Variants in PCDH11X observed in about 807,000 individuals in gnomAD.
The protein encoded by PCDH11X is protocadherin-11 X-linked.
In PCDH11X, 18 loss-of-function variants were observed where a neutral mutation model predicts 53.3. The ratio of observed to expected loss-of-function variants is 0.34; its 90% CI spans 0.23 to 0.50. The LOEUF (loss-of-function observed/expected upper bound fraction) is 0.50, where lower values mean the gene tolerates loss of function less well. PCDH11X is among the 20% of genes least tolerant of loss of function. PCDH11X has a pLI of 0.98. For missense variants in PCDH11X, 570 were observed against 1,032.4 expected (o/e 0.55, Z 6.14); for synonymous variants, 279 against 393.3 (o/e 0.71, Z 3.44).
intron 10 of PCDH11X, among the ~76,000 whole-genome samples, chrX:92,572,783 C>G (rs1458699345): frequency 1.0e-5 from 1 of 96,143 alleles, no homozygotes; most frequent in Non-Finnish European, 2.1e-5. Flanking sequence ...ACTTGGGAGG[C>G]TGAGGCAAGA....
chrX:92,121,407 CG>C, intron 6 of PCDH11X, among the ~76,000 whole-genome samples: 1 of 111,949 alleles, frequency 8.9e-6, no homozygotes, highest in East Asian at 2.8e-4. Flanking sequence ...CCACCCACCT[CG>C]GCCTCCCAAA....
chrX:91,911,200 A>G (rs1941357962), intron 6 of PCDH11X, among the ~76,000 whole-genome samples: 1 of 110,521 alleles, frequency 9.0e-6, no homozygotes, highest in African/African-American at 3.3e-5. Context: ...TTGCTGCTAC[A>G]TATGTCTAGC....
chrX:92,321,184 G>GTT lies in PCDH11X; in HGVS notation c.3144+58049_3144+58050dup, dbSNP rs199672875. 7.2e-4 allele frequency among the ~76,000 whole-genome samples: 61 copies of GTT among 84,857 alleles called. 6 individuals are homozygous for GTT. Among genetic ancestry groups the GTT allele is most frequent in the East Asian group, 5.6e-3 (11 of 1,947 alleles). The allele number at this position is 84,857 out of a possible 115,157, so 73.7% of individuals were successfully genotyped here. On this transcript the variant is annotated intron_variant, in intron 8 of 10. Coordinates refer to ENST00000682573, the MANE Select transcript of PCDH11X (RefSeq NM_032968.5). The stretch of plus-strand genomic sequence containing the variant: ...TCAGTATCTGTGAGCTGAACTGTAA[G>GTT]TTTTTTTTTGTTTTTTTTTTTTTTT...
intron 7 of PCDH11X, among the ~76,000 whole-genome samples, chrX:92,211,656 A>G (rs963367905): frequency 8.9e-6 from 1 of 112,047 alleles, no homozygotes; most frequent in African/African-American, 3.2e-5. Context: ...CATTAATCTT[A>G]TATTTTACCA....
chrX:92,074,061 T>C (rs1277493955), intron 6 of PCDH11X, among the ~76,000 whole-genome samples: 2 of 111,766 alleles, frequency 1.8e-5, no homozygotes, highest in African/African-American at 6.5e-5. Context: ...TTTGTTTCCA[T>C]TAGATATGTT....
Position 92,109,701 on chromosome X carries a change from G to A in PCDH11X, c.3034-91674G>A, listed in dbSNP as rs188281435. Among the ~76,000 whole-genome samples the A allele has an allele frequency of 8.3e-3, 936 of 112,225 alleles. 5 individuals are homozygous for A. The highest frequency in any genetic ancestry group is 0.029 in the African/African-American group (891 of 30,890). On this transcript the variant is annotated intron_variant, in intron 6 of 10. Coordinates refer to ENST00000682573, the MANE Select transcript of PCDH11X (RefSeq NM_032968.5). ...TAATTCCTACTCTTGTAGCTAGTTT[G>A]TTAGTCCTACAAAGGCAGACTGGGC...
chrX:92,325,970 C>T (rs1284870032), intron 8 of PCDH11X, among the ~76,000 whole-genome samples: 1 of 112,302 alleles, frequency 8.9e-6, no homozygotes, highest in African/African-American at 3.2e-5. Context: ...AGCATGTTAT[C>T]CCTTTCAGAT....
intron 10 of PCDH11X, among the ~76,000 whole-genome samples, chrX:92,605,416 T>C (rs2148811933): frequency 9.0e-6 from 1 of 111,713 alleles, no homozygotes; most frequent in South Asian, 3.7e-4. Context: ...AGGATGTCCA[T>C]ACTTACCACT....
At chrX:92,210,373 G>T (rs2066562085) in intron 7 of PCDH11X, among the ~76,000 whole-genome samples, 2 of 105,022 alleles carry the variant, frequency 1.9e-5, no homozygotes, top group African/African-American at 6.9e-5. Context: ...CGAGTAGCTG[G>T]GACTGCAGGC....
At chrX:92,206,207 C>G (rs1343651891) in intron 7 of PCDH11X, among the ~76,000 whole-genome samples, 1 of 111,617 alleles carries the variant, frequency 9.0e-6, no homozygotes, top group Non-Finnish European at 1.9e-5. Flanking sequence ...CGGATAAGGA[C>G]TTTTCAATCT....
chrX:92,102,793 G>A (rs1244879013), intron 6 of PCDH11X, among the ~76,000 whole-genome samples: 1 of 111,258 alleles, frequency 9.0e-6, no homozygotes, highest in African/African-American at 3.3e-5. Context: ...TATGGGTTTG[G>A]CACCATGGGG....
chrX:91,857,279 T>C (rs1161296656), intron 5 of PCDH11X, among the ~76,000 whole-genome samples: 2 of 111,079 alleles, frequency 1.8e-5, no homozygotes, highest in Admixed American at 1.9e-4. Flanking sequence ...GCTTCCATGA[T>C]TCAATTACCT....
chrX:92,576,200 C>A (rs1922948047), intron 10 of PCDH11X, among the ~76,000 whole-genome samples: 1 of 58,232 alleles, frequency 1.7e-5, no homozygotes, highest in Non-Finnish European at 2.7e-5. Flanking sequence ...TATAACTGTT[C>A]TGCTCTTTTT....
intron 8 of PCDH11X, among the ~76,000 whole-genome samples, chrX:92,335,803 T>G: frequency 8.9e-6 from 1 of 112,057 alleles, no homozygotes; most frequent in Non-Finnish European, 1.9e-5. Flanking sequence ...TATAAATAAA[T>G]ACATGTACGT....
At position 92,623,127 on chromosome X, in the gene PCDH11X, G is replaced by T. The variant is rs777417775; in HGVS notation, c.*4187G>T. 117 of 110,236 alleles carry T rather than the reference G, an allele frequency of 1.1e-3. 2 individuals are homozygous for T. Among genetic ancestry groups the T allele is most frequent in the African/African-American group, 3.7e-3 (112 of 30,418 alleles). The allele number at this position is 110,236 out of a possible 1,213,427, so 9.1% of individuals were successfully genotyped here. A position where few individuals can be genotyped will look rare whatever the true frequency, so the allele number is the denominator to read the frequency against. On this transcript the variant is annotated 3_prime_UTR_variant, in exon 11 of 11. Transcript: ENST00000682573. ...GTTGACTATTGTATGGCCAAGGATG[G>T]CAGTATGTAATCCAGAAGCAAACTT...
chrX:92,444,657 T>A (rs1293420806), intron 9 of PCDH11X, among the ~76,000 whole-genome samples: 1 of 104,132 alleles, frequency 9.6e-6, no homozygotes, highest in East Asian at 3.1e-4. Flanking sequence ...CCATTTAATA[T>A]GATGTTGGCT....
intron 8 of PCDH11X, among the ~76,000 whole-genome samples, chrX:92,281,954 A>G (rs768914698): frequency 1.8e-5 from 2 of 111,796 alleles, no homozygotes; most frequent in South Asian, 7.4e-4. Flanking sequence ...TGTGACATAT[A>G]CATTCAGATA....
At chrX:92,340,897 A>G (rs2069741714) in intron 8 of PCDH11X, among the ~76,000 whole-genome samples, 2 of 111,801 alleles carry the variant, frequency 1.8e-5, no homozygotes, top group African/African-American at 6.5e-5. Flanking sequence ...CTTTTCTGAC[A>G]CTTGGCTAAT....
intron 10 of PCDH11X, among the ~76,000 whole-genome samples, chrX:92,603,715 A>C (rs1926482619): frequency 1.0e-5 from 1 of 99,652 alleles, no homozygotes; most frequent in African/African-American, 3.7e-5. Flanking sequence ...TAGATAAACA[A>C]ATATTGAGAC....
Sources: gnomAD v4.1 joint callset for allele counts (sites outside exome capture counted in the v4.1 genomes callset) on GRCh38, gnomAD v4.1.1 for gene constraint, MANE v1.5 for transcripts, NCBI Gene and HGNC (gene_info 2026-07-23, HGNC 2026-07-21) for gene names.